STK31: variants seen among roughly 807,000 people sequenced by gnomAD.
The protein encoded by STK31 is serine/threonine kinase 31.
STK31 carries 89 observed loss-of-function variants against 129.7 expected under a neutral mutation model. The ratio of observed to expected loss-of-function variants is 0.69; its 90% CI spans 0.58 to 0.82. The LOEUF is 0.82. Among genes scored for constraint, STK31 ranks in the 40% least tolerant of loss-of-function variants. The probability of loss-of-function intolerance (pLI) is 0.00; values close to 1 mark genes in which losing one functional copy is unlikely to be tolerated. For synonymous variants in STK31, 448 were observed against 395.3 expected (o/e 1.13, Z -1.58); for missense variants, 1,187 against 1,176.4 (o/e 1.01, Z -0.13).
intron 10 of STK31, among the ~76,000 whole-genome samples, chr7:23,761,460 G>A (rs1199421640): frequency 2.7e-5 from 4 of 147,280 alleles, no homozygotes; most frequent in Non-Finnish European, 4.4e-5. Context: ...TCGCTCTGTC[G>A]CCCAGGCCGG....
chr7:23,763,893 T>TTGAA (rs1789639799), intron 11 of STK31, among the ~76,000 whole-genome samples: 1 of 152,210 alleles, frequency 6.6e-6, no homozygotes, highest in South Asian at 2.1e-4. Context: ...TTATGTATCT[T>TTGAA]TGAATTTTTA....
At chr7:23,763,926 T>C (rs1258199168) in intron 11 of STK31, among the ~76,000 whole-genome samples, 1 of 152,198 alleles carries the variant, frequency 6.6e-6, no homozygotes, top group Non-Finnish European at 1.5e-5. Context: ...GTTACCCTAG[T>C]ACTAAGCTGA....
intron 22 of STK31, among the ~76,000 whole-genome samples, chr7:23,800,270 A>C (rs1792284726): frequency 6.6e-6 from 1 of 152,236 alleles, no homozygotes; most frequent in Non-Finnish European, 1.5e-5. Flanking sequence ...TGTACTATAA[A>C]GACATGCACA....
chr7:23,831,749 A>G (rs1794561130), intron 23 of STK31, among the ~76,000 whole-genome samples: 1 of 152,138 alleles, frequency 6.6e-6, no homozygotes, highest in Admixed American at 6.6e-5. Context: ...AGTGGAGTTT[A>G]TATGTGTTTT....
chr7:23,769,610 A>G (rs1238840791), intron 12 of STK31, 30 bp from the exon 13 acceptor site: 4 of 1,399,102 alleles, frequency 2.9e-6, no homozygotes, highest in South Asian at 2.4e-5. Context: ...ATTAAATGAG[A>G]TATTTCATGT....
At chr7:23,787,842 T>C in intron 20 of STK31, 138 bp from the exon 21 acceptor site, 1 of 743,990 alleles carries the variant, frequency 1.3e-6, no homozygotes, top group Non-Finnish European at 2.0e-6. Flanking sequence ...CTGGTCTTTC[T>C]CTATGCTGTA....
intron 3 of STK31, among the ~76,000 whole-genome samples, chr7:23,716,751 C>A (rs1029929778): frequency 8.7e-5 from 13 of 150,168 alleles, no homozygotes; most frequent in Non-Finnish European, 1.9e-4. Context: ...CCAAAGAATA[C>A]AGATTGGTAC....
At chr7:23,819,447 G>C (rs897709928) in intron 23 of STK31, among the ~76,000 whole-genome samples, 1 of 145,916 alleles carries the variant, frequency 6.9e-6, no homozygotes, top group African/African-American at 2.6e-5. Context: ...AGACAGTCTT[G>C]CTTGGTTGCC....
chr7:23,817,749 C>G (rs1000017960), intron 23 of STK31, among the ~76,000 whole-genome samples: 1 of 152,172 alleles, frequency 6.6e-6, no homozygotes, highest in African/African-American at 2.4e-5. Flanking sequence ...AAAAGTTGGT[C>G]CATTCCATTT....
In STK31 at chr7:23,728,958, A is replaced by G. The variant is rs997646337; in HGVS notation, c.325-133A>G. On this transcript the variant is annotated intron_variant, in intron 5 of 23. Transcript: ENST00000355870. ...GAAGATATTAGAAATCTGTTTCTGAATGTATTTTGTCATTTTGAGGTAAGA... is the reference window on the plus strand; with the variant it reads ...GAAGATATTAGAAATCTGTTTCTGAGTGTATTTTGTCATTTTGAGGTAAGA... The G allele has an allele frequency of 1.5e-5, 10 of 659,444 alleles. No individual in the cohort carries two copies. The African/African-American group carries it at 1.9e-4, about 12-fold the overall frequency. The allele number at this position is 659,444 out of a possible 1,614,324, so 40.8% of individuals were successfully genotyped here. A position where few individuals can be genotyped will look rare whatever the true frequency, so the allele number is the denominator to read the frequency against.
chr7:23,785,418 A>G, intron 17 of STK31, 60 bp from the exon 18 acceptor site: 1 of 1,581,200 alleles, frequency 6.3e-7, no homozygotes, highest in African/African-American at 1.3e-5. Flanking sequence ...AATTATTTTG[A>G]TGATTTTTAA....
At chr7:23,812,030 T>C (rs1027737987) in intron 22 of STK31, among the ~76,000 whole-genome samples, 1 of 152,182 alleles carries the variant, frequency 6.6e-6, no homozygotes, top group Admixed American at 6.5e-5. Context: ...TCTGTTTTTT[T>C]CCATTGTTAT....
intron 22 of STK31, among the ~76,000 whole-genome samples, chr7:23,799,248 A>C (rs1562613306): frequency 6.6e-6 from 1 of 152,154 alleles, no homozygotes; most frequent in Admixed American, 6.5e-5. Context: ...AACTACTTTA[A>C]ATTTCATGTG....
Position 23,710,261 on chromosome 7 carries a change from G to A in STK31, c.-25G>A. The A allele has an allele frequency of 1.2e-6, 2 of 1,608,178 alleles. No individual in the cohort carries two copies. The highest frequency in any genetic ancestry group is 1.7e-6 in the Non-Finnish European group (2 of 1,178,474). On this transcript the variant is annotated 5_prime_UTR_variant, in exon 1 of 24. Coordinates refer to ENST00000355870, the MANE Select transcript of STK31 (RefSeq NM_031414.5). ...GGTAAGCCGCTGCACGTGTGCTACGGCGGGCGGAGGGCCGAAAGTCCAGTA... is the reference window on the plus strand; with the variant it reads ...GGTAAGCCGCTGCACGTGTGCTACGACGGGCGGAGGGCCGAAAGTCCAGTA...
intron 22 of STK31, among the ~76,000 whole-genome samples, chr7:23,796,460 A>C (rs763722737): frequency 6.6e-6 from 1 of 152,114 alleles, no homozygotes; most frequent in Non-Finnish European, 1.5e-5. Flanking sequence ...AAGCTCCATG[A>C]GTAAATATAT....
Position 23,762,899 on chromosome 7 carries a change from T to C in STK31, c.1392T>C (p.Leu464=), listed in dbSNP as rs746634637. The C allele has an allele frequency of 6.3e-7, 1 of 1,594,360 alleles. No homozygotes were observed. Among genetic ancestry groups the C allele is most frequent in the Non-Finnish European group, 8.5e-7 (1 of 1,172,546 alleles). ...TTCTGGAAGTTGATGAGTCATCTCTTAATAAACGCTTAAAAACATTGCAGG... is the reference window on the plus strand; with the variant it reads ...TTCTGGAAGTTGATGAGTCATCTCTCAATAAACGCTTAAAAACATTGCAGG... ...DFILEVDESS[L]NKRLKTLQDL... is the part of the protein sequence containing the mutation. Residue 464 remains leucine, a synonymous_variant, in exon 11 of 24, where the codon CTT becomes CTC. Coordinates refer to ENST00000355870, the MANE Select transcript of STK31 (RefSeq NM_031414.5).
intron 11 of STK31, among the ~76,000 whole-genome samples, chr7:23,764,819 G>C (rs909652357): frequency 6.6e-6 from 1 of 151,956 alleles, no homozygotes; most frequent in Non-Finnish European, 1.5e-5. Flanking sequence ...TTAAAAATGT[G>C]TATCCCCCCC....
chr7:23,720,631 G>A (rs1279227101), intron 4 of STK31, among the ~76,000 whole-genome samples: 1 of 152,152 alleles, frequency 6.6e-6, no homozygotes, highest in Non-Finnish European at 1.5e-5. Flanking sequence ...TGTATTAAGT[G>A]TATACTTTCT....
chr7:23,752,835 A>G lies in STK31; in HGVS notation c.1133+3A>G, dbSNP rs772467467. On this transcript the variant is annotated splice_donor_region_variant and intron_variant, in intron 9 of 23. Coordinates refer to ENST00000355870, the MANE Select transcript of STK31 (RefSeq NM_031414.5). Reference sequence around the variant, plus strand: ...ATGGAAATACTGAAAGAAATGAGGTAGGTAAAAGCATATTTTTCAGAAGGA... The same window carrying G: ...ATGGAAATACTGAAAGAAATGAGGTGGGTAAAAGCATATTTTTCAGAAGGA... The G allele has an allele frequency of 1.9e-6, 3 of 1,554,864 alleles. No homozygotes were observed. The highest frequency in any genetic ancestry group is 2.7e-6 in the Non-Finnish European group (3 of 1,130,798).
Sources: gnomAD v4.1 joint callset for allele counts (sites outside exome capture counted in the v4.1 genomes callset) on GRCh38, gnomAD v4.1.1 for gene constraint, MANE v1.5 for transcripts, NCBI Gene and HGNC (gene_info 2026-07-23, HGNC 2026-07-21) for gene names.